PLXNA2: variants seen among roughly 807,000 people sequenced by gnomAD.
PLXNA2 encodes plexin-A2.
Under a neutral mutation model 193.5 loss-of-function variants are expected in PLXNA2, and 91 were observed. That is an observed-to-expected ratio of 0.47 (90% CI 0.40 to 0.56). The LOEUF is 0.56. Ranked by LOEUF, PLXNA2 falls within the 20% of genes least tolerant of loss-of-function variation. The pLI, the probability that PLXNA2 is intolerant of heterozygous loss-of-function variation, is 0.00. For synonymous variants in PLXNA2, 997 were observed against 1,027.3 expected (o/e 0.97, Z 0.56); for missense variants, 1,995 against 2,503.2 (o/e 0.80, Z 4.33).
intron 3 of PLXNA2, among the ~76,000 whole-genome samples, chr1:208,152,143 A>T (rs1383630945): frequency 6.6e-6 from 1 of 152,198 alleles, no homozygotes; most frequent in Non-Finnish European, 1.5e-5. Context: ...TTTCATTAAC[A>T]CTGAGGATGG....
At chr1:208,139,310 G>T (rs1000710429) in intron 4 of PLXNA2, among the ~76,000 whole-genome samples, 1 of 152,176 alleles carries the variant, frequency 6.6e-6, no homozygotes, top group Non-Finnish European at 1.5e-5. Flanking sequence ...ATGGGGCCAG[G>T]CCTAGAACAC....
rs763893232 is a variant in PLXNA2, at chr1:208,210,340, G to C, written c.1311C>G (p.Ser437=). ...TSRDRMTSVA[S]YVYNGYSVVF... is the part of the protein sequence containing the mutation. ...CCACGCTGTAGCCGTTGTAAACGTA[G>C]GAGGCCACAGAGGTCATGCGGTCCC... The change falls in exon 3 of 32, where the codon TCC becomes TCG. Residue 437 remains serine (S), a synonymous_variant. Transcript: ENST00000367033. 3.7e-6 allele frequency: 6 copies of C among 1,614,008 alleles called. No homozygotes were observed. In the East Asian group the frequency reaches 1.3e-4, roughly 36 times the overall value.
chr1:208,155,122 G>A (rs1668897916), intron 3 of PLXNA2, among the ~76,000 whole-genome samples: 1 of 152,132 alleles, frequency 6.6e-6, no homozygotes, highest in Non-Finnish European at 1.5e-5. Context: ...GGGTTAGCAG[G>A]TGCATGGAGC....
intron 1 of PLXNA2, among the ~76,000 whole-genome samples, chr1:208,226,000 G>T (rs1002748098): frequency 6.6e-6 from 1 of 152,188 alleles, no homozygotes. Flanking sequence ...CATGGTTCAG[G>T]AATTGTTCTT....
chr1:208,060,827 A>G lies in PLXNA2; in HGVS notation c.2597T>C (p.Val866Ala). Residue 866 changes from valine to alanine, a missense_variant, in exon 13 of 32, where the codon GTG (valine) becomes GCG (alanine). Physicochemically the swap from Val to Ala is moderately conservative, Grantham distance 64. Transcript: ENST00000367033. ...CGTCCCTCCTTCCGGCGGTCCAGAC[A>G]CCGTCAAAATCTGCAGGAGGGAAAT... ...SNPQITEILT[V>A]SGPPEGGTRV... 1 of 1,613,952 alleles carries G rather than the reference A, an allele frequency of 6.2e-7. No individual in the cohort carries two copies. The highest frequency in any genetic ancestry group is 1.1e-5 in the South Asian group (1 of 91,060).
At chr1:208,234,215 A>G (rs1216913264) in intron 1 of PLXNA2, among the ~76,000 whole-genome samples, 2 of 152,178 alleles carry the variant, frequency 1.3e-5, no homozygotes, top group Admixed American at 1.3e-4. Flanking sequence ...AGGGCAATAC[A>G]CTTACCCAGT....
At position 208,144,496 on chromosome 1, in the gene PLXNA2, G is replaced by C. The variant is rs550457365; in HGVS notation, c.1372-2033C>G. Among the ~76,000 whole-genome samples the C allele has an allele frequency of 8.5e-5, 13 of 152,274 alleles. No homozygotes were observed. In the East Asian group the frequency reaches 2.5e-3, roughly 30 times the overall value. ...TGGGGTGGGAAGCTCTGGCCCGGGGGTCCCCGGTGGTAGAAACAGCAGATT... is the reference window on the plus strand; with the variant it reads ...TGGGGTGGGAAGCTCTGGCCCGGGGCTCCCCGGTGGTAGAAACAGCAGATT... On this transcript the variant is annotated intron_variant, in intron 3 of 31. Transcript: ENST00000367033.
chr1:208,206,131 T>G (rs1460121538), intron 3 of PLXNA2, among the ~76,000 whole-genome samples: 1 of 152,246 alleles, frequency 6.6e-6, no homozygotes, highest in Non-Finnish European at 1.5e-5. Flanking sequence ...CAGTAAATTA[T>G]GTTATGTAAA....
chr1:208,169,097 C>G (rs1465038240), intron 3 of PLXNA2, among the ~76,000 whole-genome samples: 7 of 152,118 alleles, frequency 4.6e-5, no homozygotes, highest in African/African-American at 1.7e-4. Context: ...TGTGGATGCT[C>G]TCAGACCAAG....
chr1:208,065,116 G>C (rs935579199), intron 12 of PLXNA2, among the ~76,000 whole-genome samples: 17 of 152,286 alleles, frequency 1.1e-4, no homozygotes, highest in African/African-American at 3.8e-4. Flanking sequence ...GGGGAGGGGA[G>C]AGCTTGTCTC....
chr1:208,105,260 G>A (rs1349946963), intron 4 of PLXNA2, among the ~76,000 whole-genome samples: 3 of 152,304 alleles, frequency 2.0e-5, no homozygotes, highest in Middle Eastern at 3.4e-3. Flanking sequence ...TCCAGTGTTC[G>A]AAGGGGAGCA....
At chr1:208,134,833 A>T (rs1321014417) in intron 4 of PLXNA2, among the ~76,000 whole-genome samples, 1 of 152,238 alleles carries the variant, frequency 6.6e-6, no homozygotes, top group Non-Finnish European at 1.5e-5. Context: ...AGCAGGGGAC[A>T]TCTGGAAGTG....
intron 12 of PLXNA2, among the ~76,000 whole-genome samples, chr1:208,078,169 G>T (rs1334233488): frequency 6.6e-6 from 1 of 152,158 alleles, no homozygotes; most frequent in Non-Finnish European, 1.5e-5. Flanking sequence ...TACAGTGGGG[G>T]TGAGAATACT....
At chr1:208,142,663 G>A (rs193197830) in intron 3 of PLXNA2, among the ~76,000 whole-genome samples, 200 bp from the exon 4 acceptor site, 10 of 152,330 alleles carry the variant, frequency 6.6e-5, no homozygotes, top group Admixed American at 6.5e-4. Flanking sequence ...AGTGTTCTGG[G>A]CCTGGGATTT....
rs543303230 is a variant in PLXNA2, at chr1:208,057,134, T to G, written c.2739-2596A>C. On this transcript the variant is annotated intron_variant, in intron 13 of 31. Transcript: ENST00000367033. ...AGCAAATTCTAGCCCTTAATAATAA[T>G]AAGAACTACAGTTTACTGATTCTGC... Among the ~76,000 whole-genome samples the G allele has an allele frequency of 2.6e-4, 39 of 152,294 alleles. 1 individual carries two copies. The highest frequency in any genetic ancestry group is 6.7e-4 in the African/African-American group (28 of 41,560).
At chr1:208,140,885 C>G (rs1189334898) in intron 4 of PLXNA2, among the ~76,000 whole-genome samples, 1 of 152,220 alleles carries the variant, frequency 6.6e-6, no homozygotes, top group African/African-American at 2.4e-5. Flanking sequence ...AAGTCTCATT[C>G]ATTTTGATGA....
At chr1:208,230,017 C>G (rs1313984842) in intron 1 of PLXNA2, among the ~76,000 whole-genome samples, 3 of 152,156 alleles carry the variant, frequency 2.0e-5, no homozygotes, top group Non-Finnish European at 2.9e-5. Flanking sequence ...CTTTTGGAGC[C>G]TCGCTTTCCT....
In PLXNA2 at chr1:208,045,057, G is replaced by A; in HGVS notation, c.3639+10C>T. On this transcript the variant is annotated intron_variant, in intron 19 of 31. Coordinates refer to ENST00000367033, the MANE Select transcript of PLXNA2 (RefSeq NM_025179.4). ...GGGAAGGAGGCATTACAGACGCAGGGCTCACTCACCATGACCTTGTGCTGC... is the reference window on the plus strand; with the variant it reads ...GGGAAGGAGGCATTACAGACGCAGGACTCACTCACCATGACCTTGTGCTGC... 6.2e-7 allele frequency: 1 copy of A among 1,613,948 alleles called. No individual in the cohort carries two copies. The highest frequency in any genetic ancestry group is 8.5e-7 in the Non-Finnish European group (1 of 1,179,946).
chr1:208,086,817 C>T (rs1207602775), intron 9 of PLXNA2, among the ~76,000 whole-genome samples: 2 of 150,704 alleles, frequency 1.3e-5, no homozygotes, highest in African/African-American at 4.9e-5. Context: ...AGATGAGCAC[C>T]ACTTTAGGGA....
Sources: gnomAD v4.1 joint callset for allele counts (sites outside exome capture counted in the v4.1 genomes callset) on GRCh38, gnomAD v4.1.1 for gene constraint, MANE v1.5 for transcripts, NCBI Gene and HGNC (gene_info 2026-07-23, HGNC 2026-07-21) for gene names.